SNX1: variants seen among roughly 807,000 people sequenced by gnomAD.
The protein encoded by SNX1 is sorting nexin 1, also known as sorting nexin-1.
SNX1 carries 36 observed loss-of-function variants against 71.8 expected under a neutral mutation model. The ratio of observed to expected loss-of-function variants is 0.50; its 90% confidence interval spans 0.38 to 0.66. SNX1 has a LOEUF of 0.66. Among genes scored for constraint, SNX1 ranks in the 30% least tolerant of loss-of-function variants. The pLI, the probability that SNX1 is intolerant of heterozygous loss-of-function variation, is 0.00. For missense variants in SNX1, 612 were observed against 646.7 expected (o/e 0.95, Z 0.58); for synonymous variants, 254 against 240.7 (o/e 1.06, Z -0.51).
intron 2 of SNX1, among the ~76,000 whole-genome samples, chr15:64,117,905 A>G (rs370552746): frequency 6.6e-6 from 1 of 152,346 alleles, no homozygotes; most frequent in East Asian, 1.9e-4. Flanking sequence ...ATTTGGAAAG[A>G]AGGAGAGGTT....
chr15:64,109,367 A>G (rs1345747625), intron 1 of SNX1, among the ~76,000 whole-genome samples: 1 of 152,098 alleles, frequency 6.6e-6, no homozygotes, highest in Non-Finnish European at 1.5e-5. Flanking sequence ...AAAAAGAAAA[A>G]TGCACACCTA....
At chr15:64,101,295 A>G (rs1180260668) in intron 1 of SNX1, among the ~76,000 whole-genome samples, 5 of 152,210 alleles carry the variant, frequency 3.3e-5, no homozygotes, top group Admixed American at 1.3e-4. Context: ...CTGGTAATCA[A>G]TCACCATTCT....
rs756840245 is a variant in SNX1, at chr15:64,127,234, G to A, written c.713G>A (p.Arg238Gln). Residue 238 changes from arginine to glutamine, a missense_variant, in exon 7 of 15, where the codon CGG (arginine) becomes CAG (glutamine). Arg to Gln is a conservative substitution (Grantham distance 43, BLOSUM62 1). Transcript: ENST00000559844. ...TCTTCTGCAGAATTTCTTGAAAAAC[G>A]GAGGGCCGCTTTAGAAAGGTAAGTG... ...DSSSAEFLEK[R>Q]RAALERYLQR... The A allele has an allele frequency of 9.9e-6, 16 of 1,613,478 alleles. No homozygotes were observed. Among genetic ancestry groups the A allele is most frequent in the East Asian group, 2.2e-5 (1 of 44,870 alleles).
intron 7 of SNX1, among the ~76,000 whole-genome samples, 177 bp from the exon 8 acceptor site, chr15:64,127,554 A>G (rs1032088254): frequency 6.6e-6 from 1 of 152,150 alleles, no homozygotes; most frequent in Admixed American, 6.5e-5. Flanking sequence ...CTTTTTGGAA[A>G]TGTCAGGAAT....
At chr15:64,113,936 A>G (rs2081103711) in intron 2 of SNX1, among the ~76,000 whole-genome samples, 2 of 152,186 alleles carry the variant, frequency 1.3e-5, no homozygotes, top group Admixed American at 1.3e-4. Context: ...CAGGAAGTAT[A>G]AGGTATGTTT....
rs762094662 is a variant in SNX1 at position 64,134,690 on chromosome 15, A to G, written c.1248A>G (p.Thr416=). ...CTGCCTTCGACCAGCGCATGAAGACATGGCAGCGCTGGCAGGATGCCCAAG... is the reference window on the plus strand; with the variant it reads ...CTGCCTTCGACCAGCGCATGAAGACGTGGCAGCGCTGGCAGGATGCCCAAG... The part of the protein sequence containing the change: ...VRAAFDQRMK[T]WQRWQDAQAT... Residue 416 remains threonine, a synonymous_variant, in exon 12 of 15, where the codon ACA becomes ACG. Transcript: ENST00000559844. This position sits in a 1 kb window ranked among gnomAD's most constrained non-coding sequence, Gnocchi z 4.1. 5.0e-6 allele frequency: 8 copies of G among 1,613,256 alleles called. No individual in the cohort carries two copies. Among genetic ancestry groups the G allele is most frequent in the South Asian group, 3.3e-5 (3 of 91,034 alleles).
intron 1 of SNX1, among the ~76,000 whole-genome samples, chr15:64,097,375 G>T (rs1394056524): frequency 1.3e-5 from 2 of 151,768 alleles, no homozygotes; most frequent in Admixed American, 1.3e-4. Context: ...AACCCAGGGG[G>T]TTCCTTTTGG....
In SNX1 at chr15:64,129,151, G is replaced by A. The variant is rs2081282208; in HGVS notation, c.808-765G>A. ...AATCCCAGCTACTTGGGAGGCTGAG[G>A]CAGGATAATCACTTGAACCCTGGAG... On this transcript the variant is annotated intron_variant, in intron 8 of 14. Transcript: ENST00000559844. This position sits in a 1 kb window ranked among gnomAD's most constrained non-coding sequence, Gnocchi z 4.4. 6.6e-6 allele frequency among the ~76,000 whole-genome samples: 1 copy of A among 151,996 alleles called. No homozygotes were observed. Among genetic ancestry groups the A allele is most frequent in the Non-Finnish European group, 1.5e-5 (1 of 68,010 alleles).
In SNX1 at chr15:64,136,337, C is replaced by T. The variant is rs768105237; in HGVS notation, c.1373C>T (p.Ser458Phe). The change falls in exon 13 of 15, where the codon TCT becomes TTT. Residue 458 changes from serine (S) to phenylalanine (F), a missense_variant. Transcript: ENST00000559844. Reference protein sequence around the residue: ...QAKDEILEWESRVTQYERDFE... With the variant: ...QAKDEILEWEFRVTQYERDFE... ...TTTCCTCTTTCTTCCCAGTGGGAGT[C>T]TCGGGTGACTCAATATGAAAGGGAC... 1.2e-6 allele frequency: 2 copies of T among 1,613,464 alleles called. No homozygotes were observed. Among genetic ancestry groups the T allele is most frequent in the East Asian group, 4.5e-5 (2 of 44,884 alleles).
intron 11 of SNX1, among the ~76,000 whole-genome samples, chr15:64,133,802 G>A (rs114037121): frequency 1.2e-4 from 19 of 152,334 alleles, no homozygotes; most frequent in African/African-American, 4.3e-4. Flanking sequence ...CTGGGCGGCT[G>A]GCCCCAGGCA....
chr15:64,103,905 T>A (rs1302633000), intron 1 of SNX1, among the ~76,000 whole-genome samples: 1 of 152,222 alleles, frequency 6.6e-6, no homozygotes, highest in Non-Finnish European at 1.5e-5. Context: ...GTTACTAGTT[T>A]AGTCATTTAT....
At chr15:64,119,756 A>C (rs2081175527) in intron 4 of SNX1, among the ~76,000 whole-genome samples, 1 of 151,806 alleles carries the variant, frequency 6.6e-6, no homozygotes, top group Admixed American at 6.6e-5. Flanking sequence ...ACACACACAA[A>C]AAACATTATC....
At chr15:64,110,786 G>A (rs905532646) in intron 1 of SNX1, among the ~76,000 whole-genome samples, 1 of 152,178 alleles carries the variant, frequency 6.6e-6, no homozygotes. Context: ...ATTTGTGTGT[G>A]TCTGTCTCTT....
At chr15:64,114,791 A>G (rs538640154) in intron 2 of SNX1, among the ~76,000 whole-genome samples, 34 of 152,344 alleles carry the variant, frequency 2.2e-4, no homozygotes, top group African/African-American at 7.9e-4. Context: ...ACTTCCCTTC[A>G]TCCCTGAAAT....
chr15:64,136,960 C>T, intron 14 of SNX1, 28 bp downstream of exon 14: 1 of 1,589,498 alleles, frequency 6.3e-7, no homozygotes, highest in African/African-American at 1.3e-5. Context: ...GACCTTCATC[C>T]TCTACTGCCT....
intron 1 of SNX1, among the ~76,000 whole-genome samples, chr15:64,098,375 A>G (rs1175001333): frequency 6.6e-6 from 1 of 152,212 alleles, no homozygotes; most frequent in Admixed American, 6.5e-5. Context: ...AGGAACCTGG[A>G]AGAGTGAGGA....
chr15:64,131,825 C>T lies in SNX1; in HGVS notation c.1154C>T (p.Ala385Val), dbSNP rs778220146. ...ATTGAGCAGCTCCACCAGGAACAGG[C>T]CAACAATGACTTCTTCCTCCTTGCT... ...EKIEQLHQEQ[A>V]NNDFFLLAEL... is the part of the protein sequence containing the mutation. Residue 385 changes from alanine to valine, a missense_variant, in exon 11 of 15, where the codon GCC becomes GTC. By Grantham distance (64) the Ala-to-Val change is moderately conservative (BLOSUM62 0). This residue lies in a region of SNX1 where 296 missense variants were observed against 361.9 expected (regional missense o/e 0.82). Transcript: ENST00000559844. 10 of 1,614,220 alleles carry T rather than the reference C, an allele frequency of 6.2e-6. No individual in the cohort carries two copies. The highest frequency in any genetic ancestry group is 5.5e-5 in the South Asian group (5 of 91,080).
chr15:64,105,663 G>T (rs939321683), intron 1 of SNX1, among the ~76,000 whole-genome samples: 6 of 152,120 alleles, frequency 3.9e-5, no homozygotes, highest in African/African-American at 1.4e-4. Flanking sequence ...GGTTTTCTGG[G>T]CCCTTTCTAA....
intron 1 of SNX1, among the ~76,000 whole-genome samples, chr15:64,101,189 C>CACTA (rs1270234317): frequency 9.8e-5 from 15 of 152,302 alleles, no homozygotes; most frequent in African/African-American, 3.6e-4. Context: ...AGTTTAGTAG[C>CACTA]ACTAAGTATA....
Sources: gnomAD v4.1 joint callset for allele counts (sites outside exome capture counted in the v4.1 genomes callset) on GRCh38, gnomAD v4.1.1 for gene constraint, gnomAD v4.1.1 regional missense constraint, Gnocchi (gnomAD v3.1) non-coding constraint, MANE v1.5 for transcripts, NCBI Gene and HGNC (gene_info 2026-07-23, HGNC 2026-07-21) for gene names.